The following RPS6KC1 variants were observed in gnomAD, a reference collection of about 807,000 sequenced individuals.
The protein encoded by RPS6KC1 is inactive ribosomal protein S6 kinase delta-1.
Under a neutral mutation model 103.8 loss-of-function variants are expected in RPS6KC1, and 54 were observed. The observed-to-expected ratio is 0.52, with a 90% CI of 0.42 to 0.65. RPS6KC1 has a LOEUF of 0.65. Among genes scored for constraint, RPS6KC1 ranks in the 30% least tolerant of loss-of-function variants. The probability of loss-of-function intolerance (pLI) is 0.00; values close to 1 mark genes in which losing one functional copy is unlikely to be tolerated. For synonymous variants in RPS6KC1, 439 were observed against 438.7 expected (o/e 1.00, Z -0.01); for missense variants, 1,151 against 1,253.8 (o/e 0.92, Z 1.24).
the RPS6KC1 span, among the ~76,000 whole-genome samples, chr1:213,725,976 TA>T: frequency 6.6e-6 from 1 of 152,240 alleles, no homozygotes; most frequent in African/African-American, 2.4e-5. Flanking sequence ...TCTTTCATGA[TA>T]TTGCTTTTCG....
chr1:213,079,064 A>G (rs1320552736), intron 3 of RPS6KC1, among the ~76,000 whole-genome samples: 1 of 152,140 alleles, frequency 6.6e-6, no homozygotes, highest in East Asian at 1.9e-4. Context: ...ATATAACAGT[A>G]TATATATTTT....
At chr1:213,318,259 T>C in the RPS6KC1 span, among the ~76,000 whole-genome samples, 1 of 152,254 alleles carries the variant, frequency 6.6e-6, no homozygotes, top group East Asian at 1.9e-4. Flanking sequence ...ACAGCTGCGT[T>C]TTCCTCTTCC....
intron 3 of RPS6KC1, 130 bp downstream of exon 3, chr1:213,077,946 C>A (rs2079498544): frequency 4.5e-6 from 2 of 440,142 alleles, no homozygotes; most frequent in Non-Finnish European, 7.9e-6. Context: ...TGTTCAACAG[C>A]ACTTGAAATT....
the RPS6KC1 span, among the ~76,000 whole-genome samples, chr1:213,678,098 G>A: frequency 2.0e-5 from 3 of 152,136 alleles, no homozygotes; most frequent in African/African-American, 7.2e-5. Flanking sequence ...CGTTTAAACC[G>A]GCACAGGGCT....
the RPS6KC1 span, among the ~76,000 whole-genome samples, chr1:213,392,628 T>TA: frequency 6.6e-6 from 1 of 152,198 alleles, no homozygotes; most frequent in Non-Finnish European, 1.5e-5. Flanking sequence ...TTATGCATCT[T>TA]TGTATTTATT....
chr1:213,629,127 C>T, the RPS6KC1 span, among the ~76,000 whole-genome samples: 1 of 152,164 alleles, frequency 6.6e-6, no homozygotes. Context: ...AGTTCAATTC[C>T]TGGGTATCCT....
chr1:213,326,235 A>G, the RPS6KC1 span, among the ~76,000 whole-genome samples: 6,709 of 152,260 alleles, frequency 0.044, 191 homozygotes, highest in Middle Eastern at 0.065. Context: ...AAAAGACAGC[A>G]GTCAAAGGCA....
chr1:213,730,789 T>A, the RPS6KC1 span, among the ~76,000 whole-genome samples: 1 of 152,240 alleles, frequency 6.6e-6, no homozygotes, highest in African/African-American at 2.4e-5. Flanking sequence ...AGATCCCATT[T>A]GTCAATTTTT....
intron 6 of RPS6KC1, among the ~76,000 whole-genome samples, chr1:213,143,289 G>C (rs980111990): frequency 6.6e-6 from 1 of 151,824 alleles, no homozygotes; most frequent in Non-Finnish European, 1.5e-5. Flanking sequence ...AGTGTTTATA[G>C]TGTCTCCTAA....
intron 12 of RPS6KC1, among the ~76,000 whole-genome samples, chr1:213,244,518 T>G (rs2094422310): frequency 6.6e-6 from 1 of 152,176 alleles, no homozygotes; most frequent in Non-Finnish European, 1.5e-5. Flanking sequence ...TATTGGAAAC[T>G]ATCTGTAAAT....
the RPS6KC1 span, among the ~76,000 whole-genome samples, chr1:213,394,566 G>A: frequency 6.6e-6 from 1 of 152,154 alleles, no homozygotes; most frequent in South Asian, 2.1e-4. Context: ...TAGAGTGCAT[G>A]TGATGGCTTT....
chr1:213,470,797 A>T, the RPS6KC1 span, among the ~76,000 whole-genome samples: 1 of 151,508 alleles, frequency 6.6e-6, no homozygotes, highest in Admixed American at 6.6e-5. Flanking sequence ...GCTAATTTTT[A>T]AAGTTTTTGT....
At chr1:213,228,576 T>G (rs1382699420) in intron 8 of RPS6KC1, among the ~76,000 whole-genome samples, 3 of 150,332 alleles carry the variant, frequency 2.0e-5, no homozygotes, top group East Asian at 2.0e-4. Flanking sequence ...AAAAAAAAAA[T>G]TATCCAGGCA....
chr1:213,055,765 G>C (rs1383659337), intron 1 of RPS6KC1, among the ~76,000 whole-genome samples: 1 of 152,176 alleles, frequency 6.6e-6, no homozygotes, highest in Non-Finnish European at 1.5e-5. Flanking sequence ...TGAGAATGTA[G>C]ATGAATTTCA....
At chr1:213,754,550 T>A in the RPS6KC1 span, among the ~76,000 whole-genome samples, 1 of 152,178 alleles carries the variant, frequency 6.6e-6, no homozygotes, top group Non-Finnish European at 1.5e-5. Context: ...GTTTTAAAAG[T>A]GTGTAGCACC....
At chr1:213,192,681 ATTG>A (rs2092792302) in intron 8 of RPS6KC1, among the ~76,000 whole-genome samples, 1 of 151,606 alleles carries the variant, frequency 6.6e-6, no homozygotes. Context: ...GATCTCTTGT[ATTG>A]TTTTTCTCAT....
intron 9 of RPS6KC1, among the ~76,000 whole-genome samples, 161 bp downstream of exon 9, chr1:213,230,705 G>A (rs2094077293): frequency 6.6e-6 from 1 of 151,518 alleles, no homozygotes; most frequent in Non-Finnish European, 1.5e-5. Flanking sequence ...TATAATGGTG[G>A]GCTTCTATAA....
At chr1:213,756,921 T>C in the RPS6KC1 span, among the ~76,000 whole-genome samples, 1 of 152,124 alleles carries the variant, frequency 6.6e-6, no homozygotes. Flanking sequence ...CAAACATCTT[T>C]ATTATTATTA....
intron 3 of RPS6KC1, among the ~76,000 whole-genome samples, chr1:213,081,429 A>T (rs2079872421): frequency 1.3e-5 from 2 of 152,246 alleles, no homozygotes; most frequent in South Asian, 4.2e-4. Flanking sequence ...CAAGCCACTC[A>T]TGAGACATCC....
Sources: gnomAD v4.1 joint callset for allele counts (sites outside exome capture counted in the v4.1 genomes callset) on GRCh38, gnomAD v4.1.1 for gene constraint, MANE v1.5 for transcripts, NCBI Gene and HGNC (gene_info 2026-07-23, HGNC 2026-07-21) for gene names.